MAPK15: variants seen among roughly 807,000 people sequenced by gnomAD.
The protein encoded by MAPK15 is mitogen-activated protein kinase 15.
A neutral mutation model predicts 60.8 loss-of-function variants in MAPK15; 61 were observed. That is an observed-to-expected ratio of 1.00 (90% CI 0.82 to 1.24). The LOEUF (loss-of-function observed/expected upper bound fraction) is 1.24, where lower values mean the gene tolerates loss of function less well. MAPK15 is among the 50% of genes most tolerant of loss of function. MAPK15 has a pLI of 0.00. For synonymous variants in MAPK15, 356 were observed against 319.9 expected, an observed-to-expected ratio of 1.11 and a Z score of -1.21; for missense variants, 808 against 741.1, an observed-to-expected ratio of 1.09 and a Z score of -1.05.
rs368058974 is a variant in MAPK15, at chr8:143,718,198, G to T, written c.196-14G>T. On this transcript the variant is annotated splice_polypyrimidine_tract_variant and intron_variant, in intron 3 of 13. Coordinates refer to ENST00000338033, the MANE Select transcript of MAPK15 (RefSeq NM_139021.3). ...CCCTCCTGGCCTTCCAGCCGCCTCC[G>T]ACTCTCTCCCCAGGAGTTTGGGGAC... 2 of 1,613,990 alleles carry T rather than the reference G, an allele frequency of 1.2e-6. No homozygotes were observed. Among genetic ancestry groups the T allele is most frequent in the African/African-American group, 2.7e-5 (2 of 75,030 alleles).
At position 143,721,050 on chromosome 8, in the gene MAPK15, G is replaced by A. The variant is rs62639971; in HGVS notation, c.968G>A (p.Arg323Gln). The A allele has an allele frequency of 1.8e-3, 2,886 of 1,612,028 alleles. 51 individuals carry two copies. The African/African-American group carries it at 0.034, about 19-fold the overall frequency. Residue 323 changes from arginine (R) to glutamine (Q), a missense_variant, in exon 10 of 14, where the codon CGG (arginine) becomes CAG (glutamine). Arg to Gln is a conservative substitution (Grantham distance 43). Transcript: ENST00000338033. ...GCACGAGAGGCAGATGTGCGGCCCC[G>A]GGCACACGAAGGGGTCCAGCTCTCT... Reference protein sequence around the residue: ...EWAREADVRPRAHEGVQLSVP... With the variant: ...EWAREADVRPQAHEGVQLSVP...
chr8:143,719,416 C>G lies in MAPK15; in HGVS notation c.655C>G (p.Pro219Ala). ...GATGCTGCGGGGGAGACCCCTGTTC[C>G]CCGGCACGTCCACCCTCCACCAGCT... ...GEMLRGRPLF[P>A]GTSTLHQLEL... Residue 219 changes from proline to alanine, a missense_variant, in exon 7 of 14, where the codon CCC becomes GCC. Transcript: ENST00000338033. 1 of 1,611,180 alleles carries G rather than the reference C, an allele frequency of 6.2e-7. No homozygotes were observed. The highest frequency in any genetic ancestry group is 1.7e-5 in the Admixed American group (1 of 59,504).
intron 7 of MAPK15, 102 bp downstream of exon 7, chr8:143,719,584 G>A (rs1817967259): frequency 2.8e-6 from 4 of 1,433,906 alleles, no homozygotes; most frequent in South Asian, 2.8e-5. Context: ...CTGAGAGGAG[G>A]GACGGGGACA....
chr8:143,721,927 T>A, intron 13 of MAPK15, 47 bp downstream of exon 13: 1 of 1,397,498 alleles, frequency 7.2e-7, no homozygotes, highest in Non-Finnish European at 9.5e-7. Context: ...TCCTTTCCCC[T>A]TTCCCCTTCC....
Position 143,716,370 on chromosome 8 carries a change from T to G in MAPK15, c.-8T>G. 1 of 1,591,526 alleles carries G rather than the reference T, an allele frequency of 6.3e-7. No individual in the cohort carries two copies. Among genetic ancestry groups the G allele is most frequent in the Non-Finnish European group, 8.5e-7 (1 of 1,171,692 alleles). On this transcript the variant is annotated 5_prime_UTR_variant, in exon 1 of 14. Transcript: ENST00000338033. ...CAACAGTAAGGCCCCGCGGGCGTCC[T>G]GGCCGCCATGTGCACCGTAGTGGAC...
In MAPK15 at chr8:143,718,652, C is replaced by T. The variant is rs559273227; in HGVS notation, c.287-123C>T. The stretch of plus-strand genomic sequence containing the variant: ...ACAGGCAGTGCACAGGATGGAGGAG[C>T]GGGGCGGCCAGGCCGTGGGCTGGTT... On this transcript the variant is annotated intron_variant, in intron 4 of 13. Coordinates refer to ENST00000338033, the MANE Select transcript of MAPK15 (RefSeq NM_139021.3). 7.0e-5 allele frequency: 59 copies of T among 840,780 alleles called. No individual in the cohort carries two copies. The East Asian group carries it at 1.2e-3, about 17-fold the overall frequency. The allele number at this position is 840,780 out of a possible 1,614,324, so 52.1% of individuals were successfully genotyped here. A position where few individuals can be genotyped will look rare whatever the true frequency, so the allele number is the denominator to read the frequency against.
chr8:143,718,721 C>CCGGGGGG, intron 4 of MAPK15, 54 bp from the exon 5 acceptor site: 5 of 796,228 alleles, frequency 6.3e-6, no homozygotes, highest in Non-Finnish European at 8.0e-6. Flanking sequence ...CCACTCCCCC[C>CCGGGGGG]AGGTTGCCCC....
In MAPK15 at chr8:143,720,414, C is replaced by T; in HGVS notation, c.779+127C>T. 1 of 1,450,970 alleles carries T rather than the reference C, an allele frequency of 6.9e-7. No homozygotes were observed. The highest frequency in any genetic ancestry group is 9.1e-7 in the Non-Finnish European group (1 of 1,098,530). 89.9% of individuals were successfully genotyped at this position (1,450,970 alleles called of 1,614,324 possible). A position where few individuals can be genotyped will look rare whatever the true frequency, so the allele number is the denominator to read the frequency against. ...TTCTGCCTGTTTTCAAGATGGCAGT[C>T]CCAAACCCAACAACTGTTGGCCACA... On this transcript the variant is annotated intron_variant, in intron 8 of 13. Transcript: ENST00000338033. The surrounding 1 kb of genome is among the most constrained non-coding windows in gnomAD (Gnocchi z 4.6).
chr8:143,719,341 A>C lies in MAPK15; in HGVS notation c.582-2A>C. ...CCATGCCTACACCGCTTCCTGCCCC[A>C]GATACACCCTTGGGGTGGACATGTG... On this transcript the variant is annotated splice_acceptor_variant, in intron 6 of 13. Transcript: ENST00000338033. LOFTEE classifies it high-confidence loss of function. The C allele has an allele frequency of 6.3e-7, 1 of 1,595,892 alleles. No individual in the cohort carries two copies. Among genetic ancestry groups the C allele is most frequent in the Non-Finnish European group, 8.6e-7 (1 of 1,169,582 alleles).
At position 143,722,097 on chromosome 8, in the gene MAPK15, A is replaced by AG. The variant is rs782724212; in HGVS notation, c.1483dup (p.Ala495GlyfsTer79). On this transcript the variant is annotated frameshift_variant, in exon 14 of 14. Coordinates refer to ENST00000338033, the MANE Select transcript of MAPK15 (RefSeq NM_139021.3). LOFTEE classifies it high-confidence loss of function. ...CAGGTCCCTCCCCGGCTTCCTCCGGAGGCCCGGCCCGGCCGGAGGATGTTC... is the reference window on the plus strand; with the variant it reads ...CAGGTCCCTCCCCGGCTTCCTCCGGAGGGCCCGGCCCGGCCGGAGGATGTTC... 14 of 1,612,030 alleles carry AG rather than the reference A, an allele frequency of 8.7e-6. No individual in the cohort carries two copies. The highest frequency in any genetic ancestry group is 1.2e-5 in the Non-Finnish European group (14 of 1,179,802).
chr8:143,722,154 G>T lies in MAPK15; in HGVS notation c.1538G>T (p.Gly513Val). Reference sequence around the variant, plus strand: ...TCTGCCTTGCAGGGTGCCCAGGGGGGTGCCAGGGCTTTGCTTGGAGGCTAC... The same window carrying T: ...TCTGCCTTGCAGGGTGCCCAGGGGGTTGCCAGGGCTTTGCTTGGAGGCTAC... The part of the protein sequence containing the change: ...STSALQGAQG[G>V]ARALLGGYSQ... Residue 513 changes from glycine to valine, a missense_variant, in exon 14 of 14, where the codon GGT becomes GTT. Gly to Val is a moderately radical substitution (Grantham distance 109). Coordinates refer to ENST00000338033, the MANE Select transcript of MAPK15 (RefSeq NM_139021.3). 1.2e-6 allele frequency: 2 copies of T among 1,611,490 alleles called. No individual in the cohort carries two copies. The highest frequency in any genetic ancestry group is 1.3e-5 in the African/African-American group (1 of 74,988).
rs782589524 is a variant in MAPK15 at position 143,721,932 on chromosome 8, C to T, written c.1458+52C>T. The T allele has an allele frequency of 3.1e-5, 47 of 1,524,218 alleles. No individual in the cohort carries two copies. The East Asian group carries it at 1.0e-3, about 33-fold the overall frequency. The allele number at this position is 1,524,218 out of a possible 1,614,324, so 94.4% of individuals were successfully genotyped here. ...CCCCTCATCCTCCTTTCCCCTTTCC[C>T]CTTCCCCCCTGCTTTTCCCTCCCTT... On this transcript the variant is annotated intron_variant, in intron 13 of 13. Coordinates refer to ENST00000338033, the MANE Select transcript of MAPK15 (RefSeq NM_139021.3).
intron 11 of MAPK15, 46 bp downstream of exon 11, chr8:143,721,457 C>T: frequency 6.2e-7 from 1 of 1,609,910 alleles, no homozygotes. Flanking sequence ...GGCCCGGGCC[C>T]CTTCTGCCTG....
At position 143,719,563 on chromosome 8, in the gene MAPK15, C is replaced by G; in HGVS notation, c.721+81C>G. On this transcript the variant is annotated intron_variant, in intron 7 of 13. Coordinates refer to ENST00000338033, the MANE Select transcript of MAPK15 (RefSeq NM_139021.3). ...CTGTGGGGAGACAGCAGCTGACAGG[C>G]TAGGACTGTGCTGAGAGGAGGGACG... 3 of 1,521,690 alleles carry G rather than the reference C, an allele frequency of 2.0e-6. No individual in the cohort carries two copies. The South Asian group carries it at 3.7e-5, about 19-fold the overall frequency. 94.3% of individuals were successfully genotyped at this position (1,521,690 alleles called of 1,614,324 possible).
In MAPK15 at chr8:143,720,716, C is replaced by A; in HGVS notation, c.793C>A (p.Leu265Met). The change falls in exon 9 of 14, where the codon CTG becomes ATG. Residue 265 changes from leucine to methionine, a missense_variant. Transcript: ENST00000338033. This position sits in a 1 kb window ranked among gnomAD's most constrained non-coding sequence, Gnocchi z 4.6. The part of the protein sequence containing the change: ...HQLGSRPRQT[L>M]DALLPPDTSP... ...GGCAGCCCACAGGCCACGACAGACG[C>A]TGGATGCCCTCCTACCGCCAGACAC... 1 of 1,612,186 alleles carries A rather than the reference C, an allele frequency of 6.2e-7. No individual in the cohort carries two copies. Among genetic ancestry groups the A allele is most frequent in the African/African-American group, 1.3e-5 (1 of 75,008 alleles).
At chr8:143,721,715 G>A in intron 12 of MAPK15, 37 bp from the exon 13 acceptor site, 1 of 1,613,200 alleles carries the variant, frequency 6.2e-7, no homozygotes, top group Non-Finnish European at 8.5e-7. Context: ...CCCCTCCTCT[G>A]CACCTTTCAG....
chr8:143,718,746 C>A, intron 4 of MAPK15, 29 bp from the exon 5 acceptor site: 4 of 1,492,526 alleles, frequency 2.7e-6, no homozygotes, highest in South Asian at 2.6e-5. Context: ...GCCCCCCACC[C>A]CCGACTGCAG....
chr8:143,720,215 C>T lies in MAPK15; in HGVS notation c.722-15C>T, dbSNP rs1554619377. ...ACCAGGCCTGCCTGGGTCACACCAC[C>T]TTCTGCTGCCCCAGACCTCCTGGCT... On this transcript the variant is annotated splice_polypyrimidine_tract_variant and intron_variant, in intron 7 of 13. Transcript: ENST00000338033. This position sits in a 1 kb window ranked among gnomAD's most constrained non-coding sequence, Gnocchi z 4.6. 3 of 1,562,412 alleles carry T rather than the reference C, an allele frequency of 1.9e-6. No individual in the cohort carries two copies. In the Admixed American group the frequency reaches 5.6e-5, roughly 29 times the overall value.
Position 143,721,550 on chromosome 8 carries a change from G to GT in MAPK15, c.1207dup (p.Ser403PhefsTer70). Reference sequence around the variant, plus strand: ...GGGGTTGACCCACTGACCCCACAGAGTCCCCCCGTGCAGCCAAGAACGTTC... The same window carrying GT: ...GGGGTTGACCCACTGACCCCACAGAGTTCCCCCCGTGCAGCCAAGAACGTTC... On this transcript the variant is annotated frameshift_variant and splice_region_variant, in exon 12 of 14. Coordinates refer to ENST00000338033, the MANE Select transcript of MAPK15 (RefSeq NM_139021.3). LOFTEE classifies it high-confidence loss of function. 1 of 1,613,752 alleles carries GT rather than the reference G, an allele frequency of 6.2e-7. No homozygotes were observed. The highest frequency in any genetic ancestry group is 8.5e-7 in the Non-Finnish European group (1 of 1,179,864).
Sources: gnomAD v4.1 joint callset for allele counts on GRCh38, gnomAD v4.1.1 for gene constraint, Gnocchi (gnomAD v3.1) non-coding constraint, MANE v1.5 for transcripts, NCBI Gene and HGNC (gene_info 2026-07-23, HGNC 2026-07-21) for gene names.